TRABD2B: variants seen among roughly 807,000 people sequenced by gnomAD.
TRABD2B encodes metalloprotease TIKI2.
A neutral mutation model predicts 40.1 loss-of-function variants in TRABD2B; 14 were observed. The ratio of observed to expected loss-of-function variants is 0.35; its 90% CI spans 0.23 to 0.55. The LOEUF is 0.55. Ranked by LOEUF, TRABD2B falls within the 20% of genes least tolerant of loss-of-function variation. TRABD2B has a pLI of 0.90. For missense variants in TRABD2B, 541 were observed against 648.6 expected (o/e 0.83, Z 1.80); for synonymous variants, 263 against 277.0 (o/e 0.95, Z 0.50).
chr1:47,845,111 C>T (rs1345082743), intron 2 of TRABD2B, among the ~76,000 whole-genome samples: 4 of 152,134 alleles, frequency 2.6e-5, no homozygotes, highest in African/African-American at 7.2e-5. Context: ...GGTGCGTGCT[C>T]GTGACCAGCT....
chr1:47,793,114 T>C (rs927407273), intron 4 of TRABD2B, among the ~76,000 whole-genome samples: 18 of 152,112 alleles, frequency 1.2e-4, no homozygotes, highest in Non-Finnish European at 1.5e-4. Flanking sequence ...CTCCTGCCCC[T>C]ACACCCCTAC....
chr1:47,974,677 C>T (rs1357734947), intron 2 of TRABD2B, among the ~76,000 whole-genome samples: 4 of 152,184 alleles, frequency 2.6e-5, no homozygotes, highest in Non-Finnish European at 5.9e-5. Flanking sequence ...CACTTGTTAA[C>T]GACAGAGCAG....
intron 2 of TRABD2B, among the ~76,000 whole-genome samples, chr1:47,816,832 A>C (rs1294970212): frequency 6.6e-6 from 1 of 152,148 alleles, no homozygotes; most frequent in Non-Finnish European, 1.5e-5. Context: ...GTGGTTCTCA[A>C]TTTTATCCCT....
intron 2 of TRABD2B, among the ~76,000 whole-genome samples, chr1:47,903,053 C>A (rs571820303): frequency 4.9e-4 from 74 of 152,206 alleles, no homozygotes; most frequent in African/African-American, 1.7e-3. Context: ...TCAAGAGTCA[C>A]CTCCCTGGAG....
chr1:47,977,691 A>T (rs546340896), intron 2 of TRABD2B, among the ~76,000 whole-genome samples: 2 of 151,842 alleles, frequency 1.3e-5, no homozygotes, highest in South Asian at 2.1e-4. Flanking sequence ...AAAAAAAAAA[A>T]AAAACACACA....
intron 2 of TRABD2B, among the ~76,000 whole-genome samples, chr1:47,910,508 C>A (rs149288107): frequency 6.1e-4 from 93 of 152,252 alleles, no homozygotes; most frequent in African/African-American, 2.1e-3. Flanking sequence ...GTAGTGAGTA[C>A]CTTGTCACTC....
intron 2 of TRABD2B, among the ~76,000 whole-genome samples, chr1:47,827,038 A>G (rs555413598): frequency 6.6e-6 from 1 of 152,132 alleles, no homozygotes; most frequent in South Asian, 2.1e-4. Context: ...AGGTGTCCAC[A>G]CTCCATGGAG....
At position 47,970,754 on chromosome 1, in the gene TRABD2B, G is replaced by A. The variant is rs151192787; in HGVS notation, c.666+23280C>T. ...ATTGTGGGTTGGACTCAGGTCTGCT[G>A]TGTGCATTCTGGGACCCAGGCTGAA... On this transcript the variant is annotated intron_variant, in intron 2 of 6. Coordinates refer to ENST00000606738, the MANE Select transcript of TRABD2B (RefSeq NM_001194986.2). 1.1e-4 allele frequency among the ~76,000 whole-genome samples: 16 copies of A among 152,316 alleles called. No individual in the cohort carries two copies. In the East Asian group the frequency reaches 2.9e-3, roughly 28 times the overall value.
chr1:47,933,152 C>A (rs1476549122), intron 2 of TRABD2B, among the ~76,000 whole-genome samples: 4 of 150,470 alleles, frequency 2.7e-5, no homozygotes, highest in African/African-American at 9.8e-5. Flanking sequence ...GTTGTCCAGG[C>A]TGGCATGCAG....
At chr1:47,792,850 G>A (rs1287513151) in intron 4 of TRABD2B, among the ~76,000 whole-genome samples, 2 of 152,110 alleles carry the variant, frequency 1.3e-5, no homozygotes, top group African/African-American at 4.8e-5. Flanking sequence ...CCTTAGGCCT[G>A]GGGAGGAGCC....
In TRABD2B at chr1:47,826,583, GT is replaced by G. The variant is rs113090968; in HGVS notation, c.667-24965del. 3.2e-3 allele frequency among the ~76,000 whole-genome samples: 493 copies of G among 151,726 alleles called. 7 individuals carry two copies. Among genetic ancestry groups the G allele is most frequent in the African/African-American group, 0.011 (459 of 41,414 alleles). ...GGAGCCATTTTTTTGGTGGTGGTTT[GT>G]TTTTTTTGAGACAGGATTTCACTCT... On this transcript the variant is annotated intron_variant, in intron 2 of 6. Transcript: ENST00000606738.
At chr1:47,834,309 C>A (rs1382156945) in intron 2 of TRABD2B, among the ~76,000 whole-genome samples, 1 of 152,292 alleles carries the variant, frequency 6.6e-6, no homozygotes, top group East Asian at 1.9e-4. Context: ...AGAGACTAAC[C>A]AAAAAGCTTT....
intron 2 of TRABD2B, among the ~76,000 whole-genome samples, chr1:47,832,460 G>T (rs1333843351): frequency 1.3e-5 from 2 of 152,162 alleles, no homozygotes; most frequent in East Asian, 1.9e-4. Context: ...CCTGTTTTGG[G>T]GGGGATGATT....
At chr1:47,807,301 T>C (rs2124322411) in intron 2 of TRABD2B, among the ~76,000 whole-genome samples, 1 of 152,032 alleles carries the variant, frequency 6.6e-6, no homozygotes, top group Non-Finnish European at 1.5e-5. Context: ...CCAGTGGAGG[T>C]GAGGAAGAGT....
chr1:47,767,988 C>G (rs557532771), intron 6 of TRABD2B, among the ~76,000 whole-genome samples: 1 of 152,166 alleles, frequency 6.6e-6, no homozygotes, highest in Non-Finnish European at 1.5e-5. Context: ...GGGGAGGGAA[C>G]CCGGGGCCAC....
intron 2 of TRABD2B, among the ~76,000 whole-genome samples, chr1:47,986,871 G>A (rs549331069): frequency 1.3e-5 from 2 of 152,326 alleles, no homozygotes; most frequent in Admixed American, 6.5e-5. Flanking sequence ...CCGCTGAACA[G>A]AACTGAAGGC....
chr1:47,995,502 G>A (rs1266961227), intron 1 of TRABD2B, among the ~76,000 whole-genome samples: 4 of 56,546 alleles, frequency 7.1e-5, no homozygotes, highest in Non-Finnish European at 1.3e-4. Flanking sequence ...GTGTGTGTGC[G>A]TGTGTGTGTG....
chr1:47,911,361 C>A (rs1377931189), intron 2 of TRABD2B, among the ~76,000 whole-genome samples: 1 of 152,204 alleles, frequency 6.6e-6, no homozygotes, highest in African/African-American at 2.4e-5. Context: ...TCAGAAACTA[C>A]TGGTGCAAGT....
chr1:47,784,408 T>C (rs1286953195), intron 4 of TRABD2B, among the ~76,000 whole-genome samples: 1 of 151,986 alleles, frequency 6.6e-6, no homozygotes, highest in Non-Finnish European at 1.5e-5. Context: ...TTCAGGACCG[T>C]GTTGAGGGGC....
Sources: allele counts gnomAD v4.1 joint callset (sites outside exome capture counted in the v4.1 genomes callset), GRCh38; gene constraint gnomAD v4.1.1; transcripts MANE v1.5; gene names NCBI Gene and HGNC (gene_info 2026-07-23, HGNC 2026-07-21).